The following SLC15A5 variants were observed in gnomAD, a reference collection of about 807,000 sequenced individuals.
SLC15A5 encodes Peptide/histidine transporter ENSP00000340402.
SLC15A5 carries 58 observed loss-of-function variants against 56.1 expected under a neutral mutation model. The ratio of observed to expected loss-of-function variants is 1.03; its 90% CI spans 0.84 to 1.29. The LOEUF (loss-of-function observed/expected upper bound fraction) is 1.29, where lower values mean the gene tolerates loss of function less well. SLC15A5 is among the 50% of genes most tolerant of loss of function. The pLI is 0.00. For missense variants in SLC15A5, 681 were observed against 672.1 expected (o/e 1.01, Z -0.15); for synonymous variants, 264 against 250.5 (o/e 1.05, Z -0.51).
chr12:16,208,516 CA>C (rs1296090477), intron 7 of SLC15A5, among the ~76,000 whole-genome samples: 11 of 151,834 alleles, frequency 7.2e-5, no homozygotes, highest in Non-Finnish European at 4.4e-5. Context: ...TAAAACAATG[CA>C]AAAAAATTAG....
rs1322752710 is a variant in SLC15A5, at chr12:16,243,376, AT to A, written c.975+1203del. On this transcript the variant is annotated intron_variant, in intron 4 of 8. Transcript: ENST00000344941. This position sits in a 1 kb window ranked among gnomAD's most constrained non-coding sequence, Gnocchi z 4.4. ...CAGGCATGGCCACCACACCTGACTA[AT>A]TTTGTATTTTTAGTAGAGACGGGGT... Among the ~76,000 whole-genome samples the A allele has an allele frequency of 6.6e-6, 1 of 151,740 alleles. No homozygotes were observed. The highest frequency in any genetic ancestry group is 2.4e-5 in the African/African-American group (1 of 41,300).
rs1864732572 is a variant in SLC15A5, at chr12:16,269,848, T to C, written c.584+2713A>G. ...ATGCAGAAGCAAGATTTGAGGTTAA[T>C]TGTGGTAGAATTTAAAATTGTGGCC... On this transcript the variant is annotated intron_variant, in intron 2 of 8. Coordinates refer to ENST00000344941, the MANE Select transcript of SLC15A5 (RefSeq NM_001170798.1). This position sits in a 1 kb window ranked among gnomAD's most constrained non-coding sequence, Gnocchi z 4.7. 1.3e-5 allele frequency among the ~76,000 whole-genome samples: 2 copies of C among 152,164 alleles called. No homozygotes were observed. Among genetic ancestry groups the C allele is most frequent in the African/African-American group, 4.8e-5 (2 of 41,456 alleles).
intron 2 of SLC15A5, among the ~76,000 whole-genome samples, chr12:16,263,803 C>A (rs772257289): frequency 5.9e-5 from 9 of 152,170 alleles, no homozygotes; most frequent in Non-Finnish European, 1.2e-4. Context: ...AAACCCCAAG[C>A]CTTGGCAGCT....
At chr12:16,209,524 T>C (rs1179960850) in intron 7 of SLC15A5, among the ~76,000 whole-genome samples, 4 of 152,190 alleles carry the variant, frequency 2.6e-5, no homozygotes, top group African/African-American at 4.8e-5. Flanking sequence ...CAGATATTTC[T>C]ATTTGGATGT....
chr12:16,270,580 T>C (rs1864742624), intron 2 of SLC15A5, among the ~76,000 whole-genome samples: 2 of 152,170 alleles, frequency 1.3e-5, no homozygotes, highest in Non-Finnish European at 2.9e-5. Flanking sequence ...CTATCATAAT[T>C]TGATACCTAT....
intron 8 of SLC15A5, among the ~76,000 whole-genome samples, chr12:16,192,187 G>T (rs1863844114): frequency 6.6e-6 from 1 of 152,202 alleles, no homozygotes; most frequent in African/African-American, 2.4e-5. Flanking sequence ...GCAGTTGTTT[G>T]TGTGTGTATA....
chr12:16,195,447 C>T (rs886828857), intron 7 of SLC15A5, among the ~76,000 whole-genome samples: 1 of 152,106 alleles, frequency 6.6e-6, no homozygotes, highest in Admixed American at 6.6e-5. Context: ...AGGGAAAAAT[C>T]TAACTTAACA....
At chr12:16,253,882 A>G (rs1395740455) in intron 3 of SLC15A5, among the ~76,000 whole-genome samples, 1 of 152,132 alleles carries the variant, frequency 6.6e-6, no homozygotes, top group Non-Finnish European at 1.5e-5. Flanking sequence ...AGAGTTCTCA[A>G]AAACTTTAAA....
intron 1 of SLC15A5, among the ~76,000 whole-genome samples, chr12:16,274,412 A>G (rs940617728): frequency 6.6e-6 from 1 of 152,034 alleles, no homozygotes; most frequent in South Asian, 2.1e-4. Flanking sequence ...TTTGGCATTA[A>G]TGTTATTTGG....
At chr12:16,194,989 T>C (rs1479476443) in intron 7 of SLC15A5, among the ~76,000 whole-genome samples, 3 of 152,080 alleles carry the variant, frequency 2.0e-5, no homozygotes, top group Admixed American at 2.0e-4. Context: ...ACAGACCTCA[T>C]TGGTCAAATT....
intron 6 of SLC15A5, among the ~76,000 whole-genome samples, chr12:16,222,510 G>A (rs535512018): frequency 5.8e-4 from 88 of 152,166 alleles, no homozygotes; most frequent in Non-Finnish European, 1.2e-3. Flanking sequence ...AGAAAAGTGA[G>A]GATTGGAGGT....
At chr12:16,264,531 A>G (rs565267814) in intron 2 of SLC15A5, among the ~76,000 whole-genome samples, 8 of 152,290 alleles carry the variant, frequency 5.3e-5, no homozygotes, top group Non-Finnish European at 1.0e-4. Flanking sequence ...TTGGGAAGGC[A>G]TGATTGGTTT....
intron 3 of SLC15A5, among the ~76,000 whole-genome samples, chr12:16,245,600 C>G (rs1459656944): frequency 2.6e-5 from 4 of 152,180 alleles, no homozygotes; most frequent in African/African-American, 9.7e-5. Flanking sequence ...CCCGTTTAGG[C>G]AGCAGTTCAG....
At chr12:16,244,538 C>T (rs539850241) in intron 4 of SLC15A5, 42 bp downstream of exon 4, 2 of 1,498,948 alleles carry the variant, frequency 1.3e-6, no homozygotes, top group Middle Eastern at 2.1e-4. Flanking sequence ...GACATGCAAT[C>T]ACTTTCCTGT....
At chr12:16,247,292 A>G (rs944955811) in intron 3 of SLC15A5, among the ~76,000 whole-genome samples, 1 of 152,240 alleles carries the variant, frequency 6.6e-6, no homozygotes, top group Non-Finnish European at 1.5e-5. Flanking sequence ...ATGAGAACAT[A>G]TGAATGAGGT....
In SLC15A5 at chr12:16,277,609, C is replaced by A. The variant is rs1864833795; in HGVS notation, c.77G>T (p.Arg26Ile). 2 of 1,536,370 alleles carry A rather than the reference C, an allele frequency of 1.3e-6. No individual in the cohort carries two copies. The highest frequency in any genetic ancestry group is 2.7e-5 in the African/African-American group (2 of 73,076). ...YHSIEKEKTV[R>I]HIGDLCSSHS... The stretch of plus-strand genomic sequence containing the variant: ...TGAGGAACACAAATCGCCAATATGT[C>A]TTACAGTTTTCTCCTTCTCAATGCT... The change falls in exon 1 of 9, where the codon AGA (arginine) becomes ATA (isoleucine). Residue 26 changes from arginine to isoleucine, a missense_variant. Physicochemically the swap from Arg to Ile is moderately conservative, Grantham distance 97. Coordinates refer to ENST00000344941, the MANE Select transcript of SLC15A5 (RefSeq NM_001170798.1).
At chr12:16,227,985 G>A (rs371162311) in intron 5 of SLC15A5, among the ~76,000 whole-genome samples, 1 of 152,142 alleles carries the variant, frequency 6.6e-6, no homozygotes, top group South Asian at 2.1e-4. Flanking sequence ...TAAAACCATA[G>A]CAACTGATGC....
At chr12:16,229,191 A>C (rs1199159895) in intron 5 of SLC15A5, among the ~76,000 whole-genome samples, 1 of 152,160 alleles carries the variant, frequency 6.6e-6, no homozygotes, top group South Asian at 2.1e-4. Context: ...AATTCCTTCT[A>C]TGGGTGTCCA....
chr12:16,264,780 T>C (rs1864677144), intron 2 of SLC15A5, among the ~76,000 whole-genome samples: 1 of 152,230 alleles, frequency 6.6e-6, no homozygotes, highest in South Asian at 2.1e-4. Flanking sequence ...ACAAGCTCTC[T>C]CTTCGCTTGC....
Sources: gnomAD v4.1 joint callset for allele counts (sites outside exome capture counted in the v4.1 genomes callset) on GRCh38, gnomAD v4.1.1 for gene constraint, Gnocchi (gnomAD v3.1) non-coding constraint, MANE v1.5 for transcripts, NCBI Gene and HGNC (gene_info 2026-07-23, HGNC 2026-07-21) for gene names.